The following CHST11 variants were observed in gnomAD, a reference collection of about 807,000 sequenced individuals.
The protein encoded by CHST11 is carbohydrate sulfotransferase 11.
A neutral mutation model predicts 30.4 loss-of-function variants in CHST11; 9 were observed. The observed-to-expected ratio is 0.30, with a 90% CI of 0.18 to 0.52. CHST11 has a LOEUF of 0.52. Among genes scored for constraint, CHST11 ranks in the 20% least tolerant of loss-of-function variants. CHST11 has a pLI of 0.97. For missense variants in CHST11, 348 were observed against 460.6 expected (o/e 0.76, Z 2.24); for synonymous variants, 152 against 187.8 (o/e 0.81, Z 1.56).
intron 1 of CHST11, among the ~76,000 whole-genome samples, chr12:104,577,359 T>C (rs2038694514): frequency 6.6e-6 from 1 of 151,670 alleles, no homozygotes; most frequent in African/African-American, 2.4e-5. Flanking sequence ...ATTCACGTTG[T>C]GTTCATGCAG....
At chr12:104,519,105 T>TGTGTGTGTGTGTGTGTG (rs1565972437) in intron 1 of CHST11, among the ~76,000 whole-genome samples, 5 of 151,286 alleles carry the variant, frequency 3.3e-5, no homozygotes, top group African/African-American at 1.2e-4. Context: ...TGTGTGTGTG[T>TGTGTGTGTGTGTGTGTG]TTCTTTCTCC....
Position 104,602,010 on chromosome 12 carries a change from G to C in CHST11, c.204+19G>C. 1 of 1,560,066 alleles carries C rather than the reference G, an allele frequency of 6.4e-7. No homozygotes were observed. Among genetic ancestry groups the C allele is most frequent in the Non-Finnish European group, 8.7e-7 (1 of 1,153,336 alleles). On this transcript the variant is annotated intron_variant, in intron 2 of 2. Transcript: ENST00000303694. ...AATCCAGGTAAGCTTCAAGCACTCT[G>C]TCAGCATGTGAATTTTTTTTTTTTG...
intron 2 of CHST11, among the ~76,000 whole-genome samples, chr12:104,754,303 C>T (rs528693757): frequency 6.6e-6 from 1 of 152,280 alleles, no homozygotes; most frequent in East Asian, 1.9e-4. Context: ...CAAATCACCC[C>T]AAAACTTAGT....
chr12:104,581,188 G>A (rs1171953577), intron 1 of CHST11, among the ~76,000 whole-genome samples: 2 of 152,178 alleles, frequency 1.3e-5, no homozygotes, highest in Admixed American at 6.5e-5. Flanking sequence ...GAGGACTTTG[G>A]ACTCTGATCC....
At chr12:104,739,085 C>T (rs956649810) in intron 2 of CHST11, among the ~76,000 whole-genome samples, 1 of 152,220 alleles carries the variant, frequency 6.6e-6, no homozygotes, top group African/African-American at 2.4e-5. Flanking sequence ...GTGGCAGACG[C>T]TGTCAGTGGG....
At chr12:104,560,754 G>A (rs1305989320) in intron 1 of CHST11, among the ~76,000 whole-genome samples, 1 of 152,190 alleles carries the variant, frequency 6.6e-6, no homozygotes, top group African/African-American at 2.4e-5. Flanking sequence ...TTTGCAAACT[G>A]TTGCTGCTAC....
chr12:104,554,635 G>A (rs917091030), intron 1 of CHST11, among the ~76,000 whole-genome samples: 1 of 152,212 alleles, frequency 6.6e-6, no homozygotes, highest in Admixed American at 6.5e-5. Context: ...GGGGAGGATG[G>A]AGGAGGAGTG....
intron 2 of CHST11, among the ~76,000 whole-genome samples, chr12:104,638,888 T>G (rs1262795578): frequency 2.0e-5 from 3 of 152,208 alleles, no homozygotes; most frequent in Non-Finnish European, 4.4e-5. Context: ...TGCAGTGGCT[T>G]TTGAGTTGAA....
intron 1 of CHST11, among the ~76,000 whole-genome samples, chr12:104,533,308 G>C (rs1565977559): frequency 6.6e-6 from 1 of 152,210 alleles, no homozygotes; most frequent in Non-Finnish European, 1.5e-5. Flanking sequence ...GAAGTGTAAT[G>C]AACTCGTAAA....
intron 2 of CHST11, among the ~76,000 whole-genome samples, chr12:104,704,067 G>A (rs1041524487): frequency 6.6e-6 from 1 of 152,232 alleles, no homozygotes; most frequent in Non-Finnish European, 1.5e-5. Context: ...CACCAAGTGG[G>A]AAGTCAAACG....
intron 1 of CHST11, among the ~76,000 whole-genome samples, chr12:104,565,456 G>A (rs749050821): frequency 5.9e-5 from 9 of 151,716 alleles, no homozygotes; most frequent in South Asian, 2.1e-4. Context: ...TAGTAGAGGC[G>A]GGGTTTCACC....
chr12:104,500,472 G>T (rs1007115950), intron 1 of CHST11, among the ~76,000 whole-genome samples: 3 of 152,176 alleles, frequency 2.0e-5, no homozygotes, highest in Non-Finnish European at 2.9e-5. Flanking sequence ...GAAGGCAAAT[G>T]AACTTCTGAC....
intron 2 of CHST11, among the ~76,000 whole-genome samples, chr12:104,747,172 T>A (rs561829595): frequency 7.9e-5 from 12 of 152,332 alleles, no homozygotes; most frequent in African/African-American, 2.2e-4. Flanking sequence ...AGTGAGCTGC[T>A]AGGGTTGAGA....
intron 2 of CHST11, among the ~76,000 whole-genome samples, chr12:104,667,885 AGG>A (rs2039656193): frequency 6.6e-6 from 1 of 152,238 alleles, no homozygotes; most frequent in Non-Finnish European, 1.5e-5. Context: ...CAGAATCTCT[AGG>A]GGTATGCACC....
At chr12:104,482,873 G>A (rs969274023) in intron 1 of CHST11, among the ~76,000 whole-genome samples, 7 of 152,050 alleles carry the variant, frequency 4.6e-5, no homozygotes. Context: ...GTCTTTTAGT[G>A]GCTTCACGTC....
In CHST11 at chr12:104,561,806, T is replaced by G. The variant is rs1200042099; in HGVS notation, c.119-40100T>G. On this transcript the variant is annotated intron_variant, in intron 1 of 2. Coordinates refer to ENST00000303694, the MANE Select transcript of CHST11 (RefSeq NM_018413.6). ...ATTATTAGGTCCATTTTTTTTTTTT[T>G]TTTGAGACAGAGTCTCACTCAGTCG... is the stretch of plus-strand genomic sequence containing the variant. Among the ~76,000 whole-genome samples, 7 of 152,138 alleles carry G rather than the reference T, an allele frequency of 4.6e-5. No individual in the cohort carries two copies. The South Asian group carries it at 1.0e-3, about 23-fold the overall frequency.
intron 1 of CHST11, among the ~76,000 whole-genome samples, chr12:104,578,181 G>A (rs901285474): frequency 6.6e-6 from 1 of 152,130 alleles, no homozygotes; most frequent in Admixed American, 6.5e-5. Flanking sequence ...GCAACAGGGG[G>A]TGGTTCTGAC....
intron 2 of CHST11, among the ~76,000 whole-genome samples, chr12:104,603,957 A>T (rs2038979997): frequency 6.6e-6 from 1 of 151,818 alleles, no homozygotes; most frequent in African/African-American, 2.4e-5. Flanking sequence ...TCATTTCTTC[A>T]TGTGCTGTTA....
rs746045401 is a variant in CHST11, at chr12:104,757,666, A to G, written c.922A>G (p.Thr308Ala). Residue 308 changes from threonine to alanine, a missense_variant, in exon 3 of 3, where the codon ACG (threonine) becomes GCG (alanine). Coordinates refer to ENST00000303694, the MANE Select transcript of CHST11 (RefSeq NM_018413.6). The surrounding 1 kb of genome is among the most constrained non-coding windows in gnomAD (Gnocchi z 6.5). ...GAAGTTCCCCACCTATGCAAAGTCT[A>G]CGAGAACTACTGATGAAATGACCAC... ...YLKFPTYAKS[T>A]RTTDEMTTEF... 23 of 1,614,030 alleles carry G rather than the reference A, an allele frequency of 1.4e-5. No homozygotes were observed. Among genetic ancestry groups the G allele is most frequent in the African/African-American group, 2.7e-5 (2 of 74,894 alleles).
Sources: allele counts gnomAD v4.1 joint callset (sites outside exome capture counted in the v4.1 genomes callset), GRCh38; gene constraint gnomAD v4.1.1; non-coding constraint Gnocchi (gnomAD v3.1); transcripts MANE v1.5; gene names NCBI Gene and HGNC (gene_info 2026-07-23, HGNC 2026-07-21).